FHIP1A: variants seen among roughly 807,000 people sequenced by gnomAD.
The protein encoded by FHIP1A is FHF complex subunit HOOK interacting protein 1A, also known as FHF complex subunit HOOK-interacting protein 1A.
A neutral mutation model predicts 88.6 loss-of-function variants in FHIP1A; 61 were observed. The ratio of observed to expected loss-of-function variants is 0.69; its 90% CI spans 0.56 to 0.85. The LOEUF is 0.85. FHIP1A is among the 40% of genes least tolerant of loss of function. FHIP1A has a pLI of 0.00. For missense variants in FHIP1A, 1,154 were observed against 1,273.5 expected (o/e 0.91, Z 1.43); for synonymous variants, 478 against 496.0 (o/e 0.96, Z 0.48).
intron 1 of FHIP1A, among the ~76,000 whole-genome samples, chr4:151,439,804 G>C (rs963806405): frequency 6.6e-6 from 1 of 152,082 alleles, no homozygotes; most frequent in African/African-American, 2.4e-5. Context: ...ACTTCTCCTA[G>C]CTTCATTTAG....
chr4:151,466,043 G>A (rs1729301769), intron 2 of FHIP1A, among the ~76,000 whole-genome samples: 1 of 152,064 alleles, frequency 6.6e-6, no homozygotes, highest in African/African-American at 2.4e-5. Flanking sequence ...AAGTCAAATT[G>A]TCTGTTTGCA....
At position 151,665,940 on chromosome 4, in the gene FHIP1A, C is replaced by T. The variant is rs531641553; in HGVS notation, c.*3186C>T. Among the ~76,000 whole-genome samples, 63 of 152,230 alleles carry T rather than the reference C, an allele frequency of 4.1e-4. No individual in the cohort carries two copies. Among genetic ancestry groups the T allele is most frequent in the South Asian group, 1.9e-3 (9 of 4,818 alleles). On this transcript the variant is annotated 3_prime_UTR_variant, in exon 14 of 14. Coordinates refer to ENST00000435205, the MANE Select transcript of FHIP1A (RefSeq NM_001109977.3). ...GGGAAGAGAAACCGTGGGTACCGCC[C>T]GCTGGCGCAGCCCCTGAGCTGGCGT...
At chr4:151,579,532 T>C (rs1423845380) in intron 5 of FHIP1A, among the ~76,000 whole-genome samples, 3 of 152,220 alleles carry the variant, frequency 2.0e-5, no homozygotes, top group Non-Finnish European at 4.4e-5. Context: ...GAGCAGGTAT[T>C]GTAACAAATC....
intron 3 of FHIP1A, among the ~76,000 whole-genome samples, chr4:151,498,339 C>G (rs1730533747): frequency 6.6e-6 from 1 of 152,146 alleles, no homozygotes; most frequent in Non-Finnish European, 1.5e-5. Context: ...TTCTGGGGTT[C>G]CAGTGTTAGG....
chr4:151,650,763 C>G (rs1316932456), intron 11 of FHIP1A, among the ~76,000 whole-genome samples, 171 bp downstream of exon 11: 1 of 152,114 alleles, frequency 6.6e-6, no homozygotes, highest in Non-Finnish European at 1.5e-5. Context: ...TTTTTCCATT[C>G]TTGTAATGAT....
chr4:151,504,607 G>GTTATT (rs1282977562), intron 3 of FHIP1A, among the ~76,000 whole-genome samples: 4,559 of 68,048 alleles, frequency 0.067, 201 homozygotes, highest in African/African-American at 0.11. Context: ...GTTATGTTAT[G>GTTATT]TCATGTTATG....
At chr4:151,503,600 GAGAAA>G (rs1730725419) in intron 3 of FHIP1A, among the ~76,000 whole-genome samples, 1 of 151,936 alleles carries the variant, frequency 6.6e-6, no homozygotes, top group East Asian at 1.9e-4. Flanking sequence ...AAGGAGGAAA[GAGAAA>G]AGAAGAGAAA....
chr4:151,650,811 T>C (rs1737003361), intron 11 of FHIP1A, among the ~76,000 whole-genome samples: 1 of 152,254 alleles, frequency 6.6e-6, no homozygotes, highest in African/African-American at 2.4e-5. Flanking sequence ...TTAGATTTTA[T>C]TACTTAGTAA....
chr4:151,476,321 A>G (rs1729701839), intron 2 of FHIP1A, among the ~76,000 whole-genome samples: 2 of 150,314 alleles, frequency 1.3e-5, no homozygotes, highest in Non-Finnish European at 3.0e-5. Context: ...TTTTTATTTC[A>G]TTTTTTTTGT....
chr4:151,665,630 G>A lies in FHIP1A; in HGVS notation c.*2876G>A, dbSNP rs775796024. Among the ~76,000 whole-genome samples, 55 of 152,324 alleles carry A rather than the reference G, an allele frequency of 3.6e-4. 1 individual carries two copies. The highest frequency in any genetic ancestry group is 3.4e-4 in the African/African-American group (14 of 41,570). ...CACGGGAGAAGAGCAAATCCTGCACGATTCGGGGGAGTGAACATTGATCTA... is the reference window on the plus strand; with the variant it reads ...CACGGGAGAAGAGCAAATCCTGCACAATTCGGGGGAGTGAACATTGATCTA... On this transcript the variant is annotated 3_prime_UTR_variant, in exon 14 of 14. Coordinates refer to ENST00000435205, the MANE Select transcript of FHIP1A (RefSeq NM_001109977.3).
chr4:151,597,781 C>T (rs942006209), intron 7 of FHIP1A, among the ~76,000 whole-genome samples: 2 of 152,130 alleles, frequency 1.3e-5, no homozygotes, highest in Non-Finnish European at 1.5e-5. Context: ...TGCTGAGCTG[C>T]GGAGGGCTCT....
chr4:151,536,978 G>A (rs1053822640), intron 3 of FHIP1A, among the ~76,000 whole-genome samples: 2 of 152,058 alleles, frequency 1.3e-5, no homozygotes, highest in Non-Finnish European at 2.9e-5. Context: ...AGTCTCAAGC[G>A]ATCCTCCCAC....
At chr4:151,657,334 T>C (rs1460503778) in intron 13 of FHIP1A, among the ~76,000 whole-genome samples, 1 of 152,110 alleles carries the variant, frequency 6.6e-6, no homozygotes, top group East Asian at 1.9e-4. Context: ...AAGTGTGCTT[T>C]AGGGCCCTAG....
At chr4:151,548,896 C>T (rs1382795428) in intron 3 of FHIP1A, among the ~76,000 whole-genome samples, 1 of 152,224 alleles carries the variant, frequency 6.6e-6, no homozygotes, top group Admixed American at 6.5e-5. Context: ...CTCAGCAAGG[C>T]AACTTTTACT....
At chr4:151,651,914 ATC>A (rs1323616418) in intron 11 of FHIP1A, among the ~76,000 whole-genome samples, 1 of 152,236 alleles carries the variant, frequency 6.6e-6, no homozygotes, top group Non-Finnish European at 1.5e-5. Context: ...CAGTCAGTCA[ATC>A]ATAAGTAAAA....
At chr4:151,445,802 C>G (rs1020397118) in intron 1 of FHIP1A, among the ~76,000 whole-genome samples, 2 of 143,722 alleles carry the variant, frequency 1.4e-5, no homozygotes, top group African/African-American at 2.6e-5. Flanking sequence ...CTGCAGTGAC[C>G]TATGATCACA....
At chr4:151,488,162 ACAAT>A (rs376023400) in intron 3 of FHIP1A, among the ~76,000 whole-genome samples, 3 of 152,138 alleles carry the variant, frequency 2.0e-5, no homozygotes, top group African/African-American at 7.2e-5. Context: ...TAGCTCCTCC[ACAAT>A]CAGTCATCCA....
At chr4:151,543,760 T>G (rs1262912461) in intron 3 of FHIP1A, among the ~76,000 whole-genome samples, 1 of 152,236 alleles carries the variant, frequency 6.6e-6, no homozygotes, top group Non-Finnish European at 1.5e-5. Flanking sequence ...GCAAACAATT[T>G]AATTTGTTAT....
intron 3 of FHIP1A, among the ~76,000 whole-genome samples, chr4:151,545,926 G>A (rs1732484948): frequency 1.3e-5 from 2 of 152,074 alleles, no homozygotes; most frequent in Non-Finnish European, 2.9e-5. Context: ...TTTCTTAAGG[G>A]CCCATGTGAT....
Sources: gnomAD v4.1 joint callset for allele counts (sites outside exome capture counted in the v4.1 genomes callset) on GRCh38, gnomAD v4.1.1 for gene constraint, MANE v1.5 for transcripts, NCBI Gene and HGNC (gene_info 2026-07-23, HGNC 2026-07-21) for gene names.